The following SHISA9 variants were observed in gnomAD, a reference collection of about 807,000 sequenced individuals.
SHISA9 encodes the protein shisa family member 9.
In SHISA9, 13 loss-of-function variants were observed where a neutral mutation model predicts 38.0. That is an observed-to-expected ratio of 0.34 (90% confidence interval 0.22 to 0.54). The LOEUF is 0.54. Ranked by LOEUF, SHISA9 falls within the 20% of genes least tolerant of loss-of-function variation. SHISA9 has a pLI of 0.91. For missense variants in SHISA9, 538 were observed against 575.8 expected (o/e 0.93, Z 0.67); for synonymous variants, 275 against 242.0 (o/e 1.14, Z -1.27).
At chr16:13,309,607 T>A in the SHISA9 span, among the ~76,000 whole-genome samples, 1 of 140,466 alleles carries the variant, frequency 7.1e-6, no homozygotes, top group Admixed American at 7.5e-5. Context: ...CACGCCACTG[T>A]ACTCCAGCCT....
chr16:13,540,457 G>C, the SHISA9 span, among the ~76,000 whole-genome samples: 1 of 152,130 alleles, frequency 6.6e-6, no homozygotes, highest in Non-Finnish European at 1.5e-5. Context: ...GGATAGCTCC[G>C]AGGTTTAGGG....
intron 2 of SHISA9, among the ~76,000 whole-genome samples, chr16:13,119,138 A>T (rs965871559): frequency 2.6e-5 from 4 of 152,054 alleles, no homozygotes; most frequent in African/African-American, 9.7e-5. Flanking sequence ...AAAGTGCGGG[A>T]TTACAGGCGT....
chr16:12,964,693 GA>G (rs1342810743), intron 2 of SHISA9, among the ~76,000 whole-genome samples: 1 of 152,076 alleles, frequency 6.6e-6, no homozygotes, highest in Admixed American at 6.6e-5. Context: ...GTAGAGTACA[GA>G]GGAGCAGATC....
the SHISA9 span, among the ~76,000 whole-genome samples, chr16:13,315,393 A>G: frequency 3.3e-5 from 5 of 152,226 alleles, no homozygotes; most frequent in African/African-American, 1.2e-4. Context: ...AGCTGTCACT[A>G]CAGTACCCAA....
At chr16:13,080,196 AC>A (rs1378750134) in intron 2 of SHISA9, among the ~76,000 whole-genome samples, 1 of 151,966 alleles carries the variant, frequency 6.6e-6, no homozygotes, top group African/African-American at 2.4e-5. Context: ...ACATGGTGAA[AC>A]CCCATCTCTA....
At chr16:12,972,934 G>A (rs891404193) in intron 2 of SHISA9, among the ~76,000 whole-genome samples, 1 of 152,098 alleles carries the variant, frequency 6.6e-6, no homozygotes, top group African/African-American at 2.4e-5. Flanking sequence ...TGGCCAACAT[G>A]GTGAAACCCT....
chr16:12,982,346 A>C (rs1043911550), intron 2 of SHISA9, among the ~76,000 whole-genome samples: 2 of 152,250 alleles, frequency 1.3e-5, no homozygotes, highest in African/African-American at 4.8e-5. Context: ...TGATTGCCAT[A>C]GTGGACAGGA....
chr16:13,366,918 G>A, the SHISA9 span, among the ~76,000 whole-genome samples: 1 of 149,908 alleles, frequency 6.7e-6, no homozygotes, highest in African/African-American at 2.5e-5. Context: ...GGGAGGTGGA[G>A]GTTGCAGTGA....
At chr16:13,196,450 C>G (rs1000859386) in intron 2 of SHISA9, among the ~76,000 whole-genome samples, 2 of 151,872 alleles carry the variant, frequency 1.3e-5, no homozygotes, top group Non-Finnish European at 2.9e-5. Flanking sequence ...ATATCTGACC[C>G]TGTACCCCTC....
the SHISA9 span, among the ~76,000 whole-genome samples, chr16:13,341,572 CT>C: frequency 6.6e-6 from 1 of 152,184 alleles, no homozygotes; most frequent in African/African-American, 2.4e-5. Flanking sequence ...GCTGTTATTT[CT>C]ACTCTGACGC....
intron 3 of SHISA9, among the ~76,000 whole-genome samples, 180 bp downstream of exon 3, chr16:13,203,729 A>G (rs749129601): frequency 2.6e-5 from 4 of 151,760 alleles, no homozygotes; most frequent in East Asian, 1.9e-4. Context: ...ATAAATATGT[A>G]TATCTATATA....
rs118085626 is a variant in SHISA9 at position 12,920,849 on chromosome 16, C to T, written c.691+4034C>T. On this transcript the variant is annotated intron_variant, in intron 2 of 4. Transcript: ENST00000558583. ...ATATTCCTTTTCTGTTCTAGAGTCC[C>T]ATCCAGGATACCACGTTGTCTTTAA... Among the ~76,000 whole-genome samples the T allele has an allele frequency of 7.9e-5, 12 of 152,292 alleles. No individual in the cohort carries two copies. The East Asian group carries it at 2.1e-3, about 27-fold the overall frequency.
the SHISA9 span, among the ~76,000 whole-genome samples, chr16:13,306,135 G>C: frequency 6.6e-6 from 1 of 152,164 alleles, no homozygotes; most frequent in Non-Finnish European, 1.5e-5. Flanking sequence ...TGCAAACTAT[G>C]TTTTTTGAAT....
chr16:13,425,019 G>A, the SHISA9 span, among the ~76,000 whole-genome samples: 6 of 152,190 alleles, frequency 3.9e-5, no homozygotes, highest in African/African-American at 1.4e-4. Context: ...ATACTACACA[G>A]CCATAAAAAG....
At chr16:13,467,829 C>T in the SHISA9 span, among the ~76,000 whole-genome samples, 1 of 152,304 alleles carries the variant, frequency 6.6e-6, no homozygotes, top group South Asian at 2.1e-4. Context: ...TCACCTAACA[C>T]CAGGTTCATT....
At chr16:13,061,940 G>A (rs1439064809) in intron 2 of SHISA9, among the ~76,000 whole-genome samples, 1 of 152,172 alleles carries the variant, frequency 6.6e-6, no homozygotes, top group Non-Finnish European at 1.5e-5. Flanking sequence ...CCTTAAGTTG[G>A]ACGGAGCTCA....
At chr16:13,196,531 A>T (rs537204931) in intron 2 of SHISA9, among the ~76,000 whole-genome samples, 1 of 152,360 alleles carries the variant, frequency 6.6e-6, no homozygotes, top group South Asian at 2.1e-4. Context: ...CTAAAGAGAT[A>T]TGACTAAATT....
the SHISA9 span, among the ~76,000 whole-genome samples, chr16:13,310,785 G>C: frequency 6.7e-6 from 1 of 149,678 alleles, no homozygotes; most frequent in Non-Finnish European, 1.5e-5. Flanking sequence ...CCAGGTCCAA[G>C]CAATTCTCCT....
the SHISA9 span, among the ~76,000 whole-genome samples, chr16:13,367,741 CA>C: frequency 6.8e-3 from 1,007 of 149,040 alleles, 18 homozygotes; most frequent in African/African-American, 0.025. Flanking sequence ...CACACACACA[CA>C]CACACACCCC....
Sources: gnomAD v4.1 joint callset for allele counts (sites outside exome capture counted in the v4.1 genomes callset) on GRCh38, gnomAD v4.1.1 for gene constraint, MANE v1.5 for transcripts, NCBI Gene and HGNC (gene_info 2026-07-23, HGNC 2026-07-21) for gene names.